Variants in EHBP1 observed in about 807,000 individuals in gnomAD.
The protein encoded by EHBP1 is EH domain binding protein 1.
Under a neutral mutation model 144.0 loss-of-function variants are expected in EHBP1, and 55 were observed. The observed-to-expected ratio is 0.38, with a 90% CI of 0.31 to 0.48. The LOEUF is 0.48. Among genes scored for constraint, EHBP1 ranks in the 20% least tolerant of loss-of-function variants. EHBP1 has a pLI of 0.98. For synonymous variants in EHBP1, 469 were observed against 472.7 expected (o/e 0.99, Z 0.10); for missense variants, 1,200 against 1,364.2 (o/e 0.88, Z 1.90).
intron 19 of EHBP1, among the ~76,000 whole-genome samples, chr2:63,027,681 G>A (rs1008388967): frequency 6.6e-6 from 1 of 152,112 alleles, no homozygotes; most frequent in African/African-American, 2.4e-5. Context: ...TGCATATGAG[G>A]ACATTATGTT....
At chr2:62,736,509 C>T (rs1437993238) in intron 2 of EHBP1, among the ~76,000 whole-genome samples, 1 of 152,138 alleles carries the variant, frequency 6.6e-6, no homozygotes, top group Non-Finnish European at 1.5e-5. Context: ...TAGGCATGAG[C>T]CACTGTGCCC....
At chr2:62,856,576 C>G (rs571951431) in intron 7 of EHBP1, among the ~76,000 whole-genome samples, 2 of 152,216 alleles carry the variant, frequency 1.3e-5, no homozygotes, top group Admixed American at 1.3e-4. Context: ...AGGTCAGTAG[C>G]GTGAGCCAAG....
At chr2:63,005,887 A>T (rs1019908220) in intron 19 of EHBP1, among the ~76,000 whole-genome samples, 1 of 152,058 alleles carries the variant, frequency 6.6e-6, no homozygotes, top group African/African-American at 2.4e-5. Context: ...TATCATTCTA[A>T]CATGCCTAAA....
At chr2:62,741,425 A>G (rs1187128698) in intron 2 of EHBP1, among the ~76,000 whole-genome samples, 1 of 152,164 alleles carries the variant, frequency 6.6e-6, no homozygotes, top group Admixed American at 6.6e-5. Context: ...AAAGGTGGTA[A>G]TATTAGCTAC....
At chr2:62,984,048 T>G (rs1301108795) in intron 15 of EHBP1, among the ~76,000 whole-genome samples, 3 of 151,626 alleles carry the variant, frequency 2.0e-5, no homozygotes, top group African/African-American at 7.3e-5. Context: ...ATATCTGTAT[T>G]GTGTTTCCCA....
chr2:62,772,437 G>T (rs2041744234), intron 5 of EHBP1, among the ~76,000 whole-genome samples: 1 of 152,176 alleles, frequency 6.6e-6, no homozygotes, highest in Non-Finnish European at 1.5e-5. Flanking sequence ...TGTAGGCTTG[G>T]AATTCTTGGA....
intron 19 of EHBP1, among the ~76,000 whole-genome samples, chr2:63,037,049 C>T (rs569921553): frequency 6.6e-6 from 1 of 151,806 alleles, no homozygotes; most frequent in Non-Finnish European, 1.5e-5. Context: ...TCCAAAATGT[C>T]ATATATATCT....
At chr2:62,762,537 C>G (rs1229052857) in intron 3 of EHBP1, among the ~76,000 whole-genome samples, 3 of 152,210 alleles carry the variant, frequency 2.0e-5, no homozygotes, top group Non-Finnish European at 2.9e-5. Flanking sequence ...TCTGTCCTTT[C>G]TATAGTCTTG....
intron 19 of EHBP1, among the ~76,000 whole-genome samples, chr2:63,004,328 T>C (rs1246978617): frequency 2.0e-5 from 3 of 152,038 alleles, no homozygotes; most frequent in Admixed American, 2.0e-4. Context: ...AAAGATCTTA[T>C]GGAAGTGTAA....
At chr2:62,713,384 G>A (rs534848035) in intron 2 of EHBP1, among the ~76,000 whole-genome samples, 226 of 151,808 alleles carry the variant, frequency 1.5e-3, no homozygotes, top group Middle Eastern at 6.8e-3. Context: ...TGGGATTACC[G>A]GCATGTACCA....
At chr2:62,963,881 A>G (rs1052690299) in intron 14 of EHBP1, among the ~76,000 whole-genome samples, 4 of 152,208 alleles carry the variant, frequency 2.6e-5, no homozygotes, top group Non-Finnish European at 4.4e-5. Flanking sequence ...CAACACAATC[A>G]CCAAAAGATT....
intron 2 of EHBP1, among the ~76,000 whole-genome samples, chr2:62,734,129 G>A (rs939745741): frequency 6.6e-6 from 1 of 151,948 alleles, no homozygotes; most frequent in African/African-American, 2.4e-5. Context: ...CTGTACCAGT[G>A]TCTTATATTG....
intron 1 of EHBP1, among the ~76,000 whole-genome samples, chr2:62,675,835 C>T (rs961319128): frequency 1.3e-5 from 2 of 152,052 alleles, no homozygotes; most frequent in African/African-American, 4.8e-5. Flanking sequence ...TTACTGCAGC[C>T]TCCACCTCCT....
At chr2:63,040,867 T>G (rs890444206) in intron 21 of EHBP1, among the ~76,000 whole-genome samples, 3 of 152,196 alleles carry the variant, frequency 2.0e-5, no homozygotes, top group African/African-American at 7.2e-5. Context: ...GAGCCAACCC[T>G]TAGAGTGGAC....
intron 10 of EHBP1, among the ~76,000 whole-genome samples, chr2:62,918,704 A>C (rs2054833312): frequency 6.6e-6 from 1 of 152,218 alleles, no homozygotes; most frequent in South Asian, 2.1e-4. Context: ...AAGTTGGTTG[A>C]TTTGGTCATT....
At chr2:62,723,346 C>G (rs960319495) in intron 2 of EHBP1, among the ~76,000 whole-genome samples, 1 of 152,012 alleles carries the variant, frequency 6.6e-6, no homozygotes, top group Non-Finnish European at 1.5e-5. Flanking sequence ...AGGTTTTTCT[C>G]CATCCCTTTA....
At chr2:62,927,688 A>G (rs1297949436) in intron 10 of EHBP1, among the ~76,000 whole-genome samples, 1 of 152,108 alleles carries the variant, frequency 6.6e-6, no homozygotes, top group Non-Finnish European at 1.5e-5. Flanking sequence ...TCTATACCCC[A>G]CTCACAATAA....
chr2:62,894,044 CA>C (rs146913575), intron 10 of EHBP1, among the ~76,000 whole-genome samples: 12,703 of 96,142 alleles, frequency 0.13, 663 homozygotes, highest in Non-Finnish European at 0.18. Flanking sequence ...GACTCCGTCT[CA>C]AAAAAAAAAA....
intron 5 of EHBP1, among the ~76,000 whole-genome samples, chr2:62,780,070 C>A (rs1025677504): frequency 2.6e-5 from 4 of 151,990 alleles, no homozygotes; most frequent in African/African-American, 7.2e-5. Flanking sequence ...GAAAAGGTGA[C>A]CTACCAGCAA....
Sources: gnomAD v4.1 joint callset for allele counts (sites outside exome capture counted in the v4.1 genomes callset) on GRCh38, gnomAD v4.1.1 for gene constraint, MANE v1.5 for transcripts, NCBI Gene and HGNC (gene_info 2026-07-23, HGNC 2026-07-21) for gene names.